The following GLG1 variants were observed in gnomAD, a reference collection of about 807,000 sequenced individuals.
GLG1 encodes Golgi apparatus protein 1.
In GLG1, 38 loss-of-function variants were observed where a neutral mutation model predicts 160.5. The observed-to-expected ratio is 0.24, with a 90% CI of 0.18 to 0.31. The LOEUF (loss-of-function observed/expected upper bound fraction) is 0.31. GLG1 is among the 10% of genes least tolerant of loss of function. The probability of loss-of-function intolerance (pLI) is 1.00; values close to 1 mark genes in which losing one functional copy is unlikely to be tolerated. For synonymous variants in GLG1, 644 were observed against 543.4 expected, an observed-to-expected ratio of 1.19 and a Z score of -2.57; for missense variants, 1,373 against 1,505.2, an observed-to-expected ratio of 0.91 and a Z score of 1.45.
chr16:74,539,652 T>A (rs915283253), intron 1 of GLG1, among the ~76,000 whole-genome samples: 2 of 151,812 alleles, frequency 1.3e-5, no homozygotes, highest in African/African-American at 4.8e-5. Flanking sequence ...TCTGAAAATA[T>A]GAAAACACAG....
At chr16:74,469,784 A>AC in intron 16 of GLG1, 1 of 582,148 alleles carries the variant, frequency 1.7e-6, no homozygotes, top group Non-Finnish European at 3.1e-6. Context: ...AGCCTATGGG[A>AC]CCTCCATGTG....
intron 8 of GLG1, among the ~76,000 whole-genome samples, chr16:74,487,762 A>G (rs1024049114): frequency 1.1e-4 from 17 of 152,194 alleles, no homozygotes; most frequent in African/African-American, 3.1e-4. Flanking sequence ...AAGAAACAAT[A>G]CATGCACTAG....
intron 1 of GLG1, among the ~76,000 whole-genome samples, chr16:74,605,288 A>C (rs760900439): frequency 2.0e-5 from 3 of 151,562 alleles, no homozygotes; most frequent in Non-Finnish European, 2.9e-5. Context: ...TGTCCGGAAT[A>C]CACATGAAGG....
chr16:74,462,369 C>T (rs2014835567), intron 21 of GLG1, 119 bp downstream of exon 21: 4 of 977,610 alleles, frequency 4.1e-6, no homozygotes, highest in Non-Finnish European at 6.3e-6. Flanking sequence ...CCCCCAGGTT[C>T]GGGAAGATAT....
intron 12 of GLG1, among the ~76,000 whole-genome samples, chr16:74,477,068 T>A (rs1270438976): frequency 2.6e-5 from 4 of 152,210 alleles, no homozygotes; most frequent in Admixed American, 6.5e-5. Flanking sequence ...TCTACAAAAA[T>A]GCCTACCATG....
intron 1 of GLG1, among the ~76,000 whole-genome samples, chr16:74,545,412 C>T (rs1312817507): frequency 6.6e-6 from 1 of 152,094 alleles, no homozygotes; most frequent in Non-Finnish European, 1.5e-5. Flanking sequence ...CACTCCTAGG[C>T]TCAAGGGATC....
intron 1 of GLG1, among the ~76,000 whole-genome samples, chr16:74,585,112 A>C (rs1464244172): frequency 1.2e-5 from 1 of 84,284 alleles, no homozygotes; most frequent in Non-Finnish European, 2.3e-5. Flanking sequence ...CAAAAACTCT[A>C]AGTAAAATTG....
chr16:74,573,869 C>A (rs1279440585), intron 1 of GLG1, among the ~76,000 whole-genome samples: 2 of 151,776 alleles, frequency 1.3e-5, no homozygotes, highest in Non-Finnish European at 2.9e-5. Flanking sequence ...TCTCGGCTCA[C>A]TGCAACCTCT....
At chr16:74,574,882 T>TAAAA (rs1567533255) in intron 1 of GLG1, among the ~76,000 whole-genome samples, 3 of 3,728 alleles carry the variant, frequency 8.0e-4, no homozygotes, top group African/African-American at 4.8e-3. Flanking sequence ...AGACTCTGTC[T>TAAAA]CAAAAAAAAA....
intron 24 of GLG1, 128 bp from the exon 25 acceptor site, chr16:74,456,883 C>T: frequency 1.5e-6 from 1 of 671,526 alleles, no homozygotes; most frequent in Non-Finnish European, 2.6e-6. Context: ...AAGTTAAATA[C>T]ATACTAGGAA....
At chr16:74,477,763 C>T (rs550767098) in intron 11 of GLG1, among the ~76,000 whole-genome samples, 1 of 151,958 alleles carries the variant, frequency 6.6e-6, no homozygotes, top group South Asian at 2.1e-4. Flanking sequence ...CACCTGAGGT[C>T]GGGAGTTTGA....
At chr16:74,571,503 T>C (rs959708861) in intron 1 of GLG1, among the ~76,000 whole-genome samples, 1 of 152,052 alleles carries the variant, frequency 6.6e-6, no homozygotes, top group African/African-American at 2.4e-5. Flanking sequence ...AGAGACCTTG[T>C]CTTTATAAAT....
intron 16 of GLG1, chr16:74,469,373 C>G: frequency 2.7e-6 from 1 of 372,456 alleles, no homozygotes; most frequent in Non-Finnish European, 5.0e-6. Flanking sequence ...GAATGCTGCT[C>G]TTAACTCTAG....
In GLG1 at chr16:74,597,065, A is replaced by G. The variant is rs1307638859; in HGVS notation, c.438+9592T>C. On this transcript the variant is annotated intron_variant, in intron 1 of 25. Transcript: ENST00000422840. ...GCTCGGGAGGCAGAGGCTGCAGTGA[A>G]TCATGATCATGCCACTGCACTGCAG... Among the ~76,000 whole-genome samples the G allele has an allele frequency of 2.0e-5, 3 of 150,860 alleles. No individual in the cohort carries two copies. The East Asian group carries it at 5.9e-4, about 30-fold the overall frequency.
At position 74,453,347 on chromosome 16, in the gene GLG1, A is replaced by G; in HGVS notation, c.3373-13T>C. 1 of 1,588,638 alleles carries G rather than the reference A, an allele frequency of 6.3e-7. No individual in the cohort carries two copies. The highest frequency in any genetic ancestry group is 8.6e-7 in the Non-Finnish European group (1 of 1,157,160). ...CTGCTGGGGCCACCTAGAATGACAC[A>G]AGGCAATGTGATTCTCTGAGAGAGC... On this transcript the variant is annotated splice_polypyrimidine_tract_variant and intron_variant, in intron 25 of 25. Coordinates refer to ENST00000422840, the MANE Select transcript of GLG1 (RefSeq NM_001145667.2).
chr16:74,503,260 G>C (rs2016476072), intron 4 of GLG1, among the ~76,000 whole-genome samples: 1 of 151,996 alleles, frequency 6.6e-6, no homozygotes, highest in East Asian at 1.9e-4. Context: ...GCACATTACA[G>C]GTAACCAGCA....
At position 74,574,883 on chromosome 16, in the gene GLG1, C is replaced by A. The variant is rs373510643; in HGVS notation, c.438+31774G>T. Among the ~76,000 whole-genome samples the A allele has an allele frequency of 4.7e-3, 116 of 24,788 alleles. 4 individuals carry two copies. Among genetic ancestry groups the A allele is most frequent in the African/African-American group, 0.022 (87 of 4,000 alleles). The allele number at this position is 24,788 out of a possible 152,430, so 16.3% of individuals were successfully genotyped here. A position where few individuals can be genotyped will look rare whatever the true frequency, so the allele number is the denominator to read the frequency against. On this transcript the variant is annotated intron_variant, in intron 1 of 25. Transcript: ENST00000422840. ...TGGGTAAGAGAGCAAGACTCTGTCT[C>A]AAAAAAAAAAAAAAAAAAAAAAAAA...
At chr16:74,565,046 T>C (rs2143754772) in intron 1 of GLG1, among the ~76,000 whole-genome samples, 3 of 152,246 alleles carry the variant, frequency 2.0e-5, no homozygotes, top group African/African-American at 7.2e-5. Flanking sequence ...TGACAAACAA[T>C]ACAAAATTGA....
chr16:74,573,538 C>G (rs1468526896), intron 1 of GLG1, among the ~76,000 whole-genome samples: 6 of 149,528 alleles, frequency 4.0e-5, no homozygotes, highest in Non-Finnish European at 5.9e-5. Flanking sequence ...ATATCTAAAG[C>G]TGGCATGAAT....
Sources: gnomAD v4.1 joint callset for allele counts (sites outside exome capture counted in the v4.1 genomes callset) on GRCh38, gnomAD v4.1.1 for gene constraint, MANE v1.5 for transcripts, NCBI Gene and HGNC (gene_info 2026-07-23, HGNC 2026-07-21) for gene names.